Variants in MCTP2 observed in about 807,000 individuals in gnomAD.
MCTP2 encodes the protein multiple C2 and transmembrane domain-containing protein 2.
MCTP2 carries 132 observed loss-of-function variants against 111.6 expected under a neutral mutation model. The observed-to-expected ratio is 1.18, with a 90% CI of 1.03 to 1.37. The LOEUF (loss-of-function observed/expected upper bound fraction) is 1.37. Among genes scored for constraint, MCTP2 ranks in the 40% most tolerant of loss-of-function variants. The pLI is 0.00. For missense variants in MCTP2, 1,183 were observed against 1,067.9 expected (o/e 1.11, Z -1.50); for synonymous variants, 395 against 387.7 (o/e 1.02, Z -0.22).
At chr15:94,385,310 G>C (rs949805465) in intron 13 of MCTP2, 113 bp from the exon 14 acceptor site, 1 of 694,588 alleles carries the variant, frequency 1.4e-6, no homozygotes, top group African/African-American at 1.8e-5. Flanking sequence ...TAAATGGTAG[G>C]TTTATACTCT....
chr15:94,433,739 C>T (rs575876282), intron 17 of MCTP2, among the ~76,000 whole-genome samples: 2 of 152,306 alleles, frequency 1.3e-5, no homozygotes, highest in South Asian at 4.1e-4. Flanking sequence ...GCTGCAGTTG[C>T]TCCACATTTT....
At chr15:94,253,143 T>C (rs1346682708) in intron 1 of MCTP2, among the ~76,000 whole-genome samples, 1 of 152,200 alleles carries the variant, frequency 6.6e-6, no homozygotes, top group Non-Finnish European at 1.5e-5. Context: ...ATTATTCCTG[T>C]GGTTCAGCAC....
chr15:94,423,991 C>T (rs1191805321), intron 17 of MCTP2, among the ~76,000 whole-genome samples: 1 of 152,186 alleles, frequency 6.6e-6, no homozygotes, highest in Admixed American at 6.5e-5. Flanking sequence ...ATTGAATCCT[C>T]CTTCCTGCTT....
chr15:94,249,324 A>G (rs1411778982), intron 1 of MCTP2, among the ~76,000 whole-genome samples: 1 of 152,160 alleles, frequency 6.6e-6, no homozygotes. Flanking sequence ...AATTGTCTTA[A>G]AGAAAGTTGT....
At chr15:94,349,680 C>T (rs185686057) in intron 8 of MCTP2, among the ~76,000 whole-genome samples, 85 of 151,806 alleles carry the variant, frequency 5.6e-4, no homozygotes, top group Non-Finnish European at 1.0e-3. Context: ...ATTAGCCGGG[C>T]GTGGTGGCAT....
At chr15:94,385,195 G>A (rs1401734248) in intron 13 of MCTP2, among the ~76,000 whole-genome samples, 2 of 152,098 alleles carry the variant, frequency 1.3e-5, no homozygotes, top group Admixed American at 6.6e-5. Context: ...TTTGAAAAAT[G>A]TCATAGTAAA....
chr15:94,334,488 T>A (rs1303257228), intron 4 of MCTP2, among the ~76,000 whole-genome samples: 1 of 152,226 alleles, frequency 6.6e-6, no homozygotes, highest in East Asian at 1.9e-4. Context: ...GTTTTCTATA[T>A]TTAAATACAT....
At chr15:94,337,372 G>C (rs560977089) in intron 4 of MCTP2, among the ~76,000 whole-genome samples, 1 of 152,256 alleles carries the variant, frequency 6.6e-6, no homozygotes, top group South Asian at 2.1e-4. Context: ...GTGAGAAACT[G>C]ACACCACTGA....
intron 1 of MCTP2, among the ~76,000 whole-genome samples, chr15:94,252,277 C>T (rs1486035755): frequency 6.6e-6 from 1 of 152,192 alleles, no homozygotes; most frequent in East Asian, 1.9e-4. Context: ...CTTGCCAACA[C>T]TTGCCATTTT....
At chr15:94,469,729 G>A (rs1300346417) in intron 20 of MCTP2, among the ~76,000 whole-genome samples, 1 of 152,002 alleles carries the variant, frequency 6.6e-6, no homozygotes, top group African/African-American at 2.4e-5. Flanking sequence ...ATTAGAATTA[G>A]GCTGTGGTGT....
intron 2 of MCTP2, among the ~76,000 whole-genome samples, chr15:94,307,273 G>A (rs1379818703): frequency 6.6e-6 from 1 of 152,146 alleles, no homozygotes; most frequent in Non-Finnish European, 1.5e-5. Flanking sequence ...GTAGGTGCTG[G>A]GGGGGAGGTG....
chr15:94,302,821 A>G (rs1007881576), intron 2 of MCTP2, among the ~76,000 whole-genome samples: 2 of 151,946 alleles, frequency 1.3e-5, no homozygotes, highest in African/African-American at 4.8e-5. Context: ...CTCCTCTCTT[A>G]CCTATCATAT....
chr15:94,420,846 C>T (rs1445694633), intron 17 of MCTP2, among the ~76,000 whole-genome samples: 1 of 152,054 alleles, frequency 6.6e-6, no homozygotes, highest in Admixed American at 6.6e-5. Context: ...AATGTTGACC[C>T]CAATTTTGAA....
At chr15:94,393,281 A>G (rs936727344) in intron 14 of MCTP2, among the ~76,000 whole-genome samples, 6 of 152,230 alleles carry the variant, frequency 3.9e-5, no homozygotes, top group African/African-American at 1.4e-4. Context: ...AATGTCTAAG[A>G]TTTATGTGAA....
rs892421938 is a variant in MCTP2, at chr15:94,372,744, G to A, written c.1582+2564G>A. Among the ~76,000 whole-genome samples, 3 of 151,664 alleles carry A rather than the reference G, an allele frequency of 2.0e-5. No homozygotes were observed. The East Asian group carries it at 5.8e-4, about 29-fold the overall frequency. On this transcript the variant is annotated intron_variant, in intron 12 of 22. Transcript: ENST00000357742. ...TATAAATGAGCGTTCATTTATTGCAGTTGCTAGGGGAGTAAAGCATTCACC... is the reference window on the plus strand; with the variant it reads ...TATAAATGAGCGTTCATTTATTGCAATTGCTAGGGGAGTAAAGCATTCACC...
At chr15:94,433,196 G>C (rs2083284520) in intron 17 of MCTP2, among the ~76,000 whole-genome samples, 1 of 152,070 alleles carries the variant, frequency 6.6e-6, no homozygotes, top group South Asian at 2.1e-4. Flanking sequence ...GTTTTCCTCA[G>C]GAAAAAATTA....
chr15:94,250,205 G>A (rs1176409746), intron 1 of MCTP2, among the ~76,000 whole-genome samples: 1 of 152,068 alleles, frequency 6.6e-6, no homozygotes, highest in African/African-American at 2.4e-5. Flanking sequence ...ATTTTTAATG[G>A]CTGCATTAGT....
chr15:94,388,464 A>T (rs1277023094), intron 14 of MCTP2, among the ~76,000 whole-genome samples: 4 of 152,188 alleles, frequency 2.6e-5, no homozygotes, highest in Non-Finnish European at 5.9e-5. Context: ...AAATGAATTG[A>T]TTCTCTATCT....
chr15:94,469,190 G>A (rs1206636532), intron 20 of MCTP2, among the ~76,000 whole-genome samples: 4 of 152,128 alleles, frequency 2.6e-5, no homozygotes, highest in African/African-American at 9.7e-5. Context: ...TGTATTCCTA[G>A]CACAAGGCAA....
Sources: allele counts gnomAD v4.1 joint callset (sites outside exome capture counted in the v4.1 genomes callset), GRCh38; gene constraint gnomAD v4.1.1; transcripts MANE v1.5; gene names NCBI Gene and HGNC (gene_info 2026-07-23, HGNC 2026-07-21).